Variants in DTD1 observed in about 807,000 individuals in gnomAD.
DTD1 encodes D-aminoacyl-tRNA deacylase 1, also known as D-tyrosyl-tRNA deacylase 1 homolog.
In DTD1, 13 loss-of-function variants were observed where a neutral mutation model predicts 25.6. The observed-to-expected ratio is 0.51, with a 90% CI of 0.33 to 0.81. DTD1 has a LOEUF of 0.81. DTD1 is among the 30% of genes least tolerant of loss of function. DTD1 has a pLI of 0.02. For missense variants in DTD1, 193 were observed against 266.4 expected (o/e 0.72, Z 1.92); for synonymous variants, 110 against 103.6 (o/e 1.06, Z -0.37).
intron 4 of DTD1, among the ~76,000 whole-genome samples, chr20:18,638,012 A>G (rs1311540719): frequency 6.6e-6 from 1 of 152,222 alleles, no homozygotes; most frequent in Admixed American, 6.5e-5. Context: ...GTGCCCATCC[A>G]GGCGAGGCCT....
At chr20:18,637,373 C>G (rs6081267) in intron 4 of DTD1, among the ~76,000 whole-genome samples, 77,201 of 152,002 alleles carry the variant, frequency 0.51, 19,971 homozygotes, top group Middle Eastern at 0.57. Context: ...GCCGATGCAG[C>G]AACAACAGCT....
chr20:18,632,789 GTA>G (rs2060793537), intron 4 of DTD1: 1 of 472,272 alleles, frequency 2.1e-6, no homozygotes, highest in African/African-American at 2.1e-5. Flanking sequence ...GTATATGGAT[GTA>G]TATGTGTGCA....
intron 4 of DTD1, chr20:18,632,748 A>G: frequency 1.3e-6 from 1 of 785,346 alleles, no homozygotes; most frequent in Non-Finnish European, 1.5e-6. Context: ...AAGTTCTTTA[A>G]ACTATCTGAA....
At chr20:18,755,641 G>A (rs2061336270) in intron 5 of DTD1, among the ~76,000 whole-genome samples, 2 of 152,206 alleles carry the variant, frequency 1.3e-5, no homozygotes, top group South Asian at 2.1e-4. Flanking sequence ...TGGTGTATAT[G>A]TGCCACATTT....
At chr20:18,662,265 T>A (rs957085711) in intron 4 of DTD1, among the ~76,000 whole-genome samples, 1 of 152,148 alleles carries the variant, frequency 6.6e-6, no homozygotes, top group Non-Finnish European at 1.5e-5. Context: ...TCAATAATAC[T>A]AGCAATTTTT....
At chr20:18,659,311 A>G (rs55965901) in intron 4 of DTD1, among the ~76,000 whole-genome samples, 47,730 of 151,990 alleles carry the variant, frequency 0.31, 8,013 homozygotes, top group Non-Finnish European at 0.38. Flanking sequence ...GCTCCCCACC[A>G]TGAGTGCCCA....
intron 4 of DTD1, among the ~76,000 whole-genome samples, chr20:18,705,371 A>T (rs977138002): frequency 2.6e-5 from 4 of 152,106 alleles, no homozygotes; most frequent in Non-Finnish European, 5.9e-5. Context: ...CACAAAAACC[A>T]CTTGCATCCC....
intron 4 of DTD1, among the ~76,000 whole-genome samples, chr20:18,730,583 G>T (rs1351475233): frequency 1.3e-5 from 2 of 152,112 alleles, no homozygotes; most frequent in African/African-American, 4.8e-5. Context: ...AAGCTCATTA[G>T]GCATTTGCAT....
chr20:18,699,165 C>T (rs1045362919), intron 4 of DTD1, among the ~76,000 whole-genome samples: 1 of 152,124 alleles, frequency 6.6e-6, no homozygotes, highest in African/African-American at 2.4e-5. Flanking sequence ...TATTTAATAG[C>T]CTGTTTTACA....
At chr20:18,645,599 C>T (rs1398352518) in intron 4 of DTD1, among the ~76,000 whole-genome samples, 1 of 152,206 alleles carries the variant, frequency 6.6e-6, no homozygotes, top group Non-Finnish European at 1.5e-5. Context: ...TAGTGGAATA[C>T]TATACAAAGG....
intron 5 of DTD1, among the ~76,000 whole-genome samples, chr20:18,761,475 A>T (rs982145634): frequency 2.6e-5 from 4 of 152,136 alleles, no homozygotes; most frequent in Non-Finnish European, 4.4e-5. Flanking sequence ...GTATATATAT[A>T]GTGTCACCTG....
At chr20:18,609,103 T>C (rs1000577531) in intron 3 of DTD1, among the ~76,000 whole-genome samples, 1 of 152,094 alleles carries the variant, frequency 6.6e-6, no homozygotes, top group Non-Finnish European at 1.5e-5. Context: ...TGAACTGCAG[T>C]ATCTGTTGCT....
intron 3 of DTD1, among the ~76,000 whole-genome samples, chr20:18,612,256 A>G (rs6045505): frequency 0.84 from 126,550 of 151,164 alleles, 53,912 homozygotes; most frequent in Non-Finnish European, 0.93. Context: ...GGATGGTCTC[A>G]ATCTCCTGAC....
intron 4 of DTD1, 149 bp from the exon 5 acceptor site, chr20:18,743,951 A>G (rs1600219214): frequency 1.4e-6 from 1 of 733,670 alleles, no homozygotes; most frequent in Non-Finnish European, 2.2e-6. Context: ...CATTCTGTGT[A>G]TAATTTGGTA....
At chr20:18,649,021 C>CAAAAAAAAAAAAAAAAA (rs2060862261) in intron 4 of DTD1, among the ~76,000 whole-genome samples, 1 of 102,630 alleles carries the variant, frequency 9.7e-6, no homozygotes. Context: ...AAAAAAAAAG[C>CAAAAAAAAAAAAAAAAA]AAATTTAACT....
At chr20:18,695,948 G>A (rs2061074544) in intron 4 of DTD1, among the ~76,000 whole-genome samples, 1 of 152,140 alleles carries the variant, frequency 6.6e-6, no homozygotes, top group Non-Finnish European at 1.5e-5. Flanking sequence ...AAAGCGCTGG[G>A]ATTATAGGCG....
chr20:18,680,123 A>G (rs138322897), intron 4 of DTD1, among the ~76,000 whole-genome samples: 2 of 152,312 alleles, frequency 1.3e-5, no homozygotes, highest in African/African-American at 4.8e-5. Flanking sequence ...TAGCCAATCT[A>G]CATTTCACAT....
intron 4 of DTD1, among the ~76,000 whole-genome samples, chr20:18,649,111 T>C (rs892615044): frequency 2.0e-5 from 3 of 151,194 alleles, no homozygotes; most frequent in African/African-American, 7.3e-5. Flanking sequence ...ACCAGAACAG[T>C]GGGAACTAAC....
intron 4 of DTD1, among the ~76,000 whole-genome samples, chr20:18,670,500 A>G (rs2060948031): frequency 6.6e-6 from 1 of 152,230 alleles, no homozygotes; most frequent in Non-Finnish European, 1.5e-5. Flanking sequence ...TGACTTCTCA[A>G]GAGCTCATCT....
Sources: allele counts gnomAD v4.1 joint callset (sites outside exome capture counted in the v4.1 genomes callset), GRCh38; gene constraint gnomAD v4.1.1; transcripts MANE v1.5; gene names NCBI Gene and HGNC (gene_info 2026-07-23, HGNC 2026-07-21).